The following SUSD6 variants were observed in gnomAD, a reference collection of about 807,000 sequenced individuals.
The protein encoded by SUSD6 is sushi domain-containing protein 6.
Under a neutral mutation model 28.4 loss-of-function variants are expected in SUSD6, and 16 were observed. The ratio of observed to expected loss-of-function variants is 0.56; its 90% CI spans 0.38 to 0.86. SUSD6 has a LOEUF of 0.86. Ranked by LOEUF, SUSD6 falls within the 40% of genes least tolerant of loss-of-function variation. The pLI is 0.00. For synonymous variants in SUSD6, 147 were observed against 159.6 expected, an observed-to-expected ratio of 0.92 and a Z score of 0.59; for missense variants, 341 against 384.2, an observed-to-expected ratio of 0.89 and a Z score of 0.94.
At chr14:69,659,603 T>C (rs1164573813) in intron 2 of SUSD6, among the ~76,000 whole-genome samples, 1 of 152,164 alleles carries the variant, frequency 6.6e-6, no homozygotes, top group Non-Finnish European at 1.5e-5. Context: ...CTGCAACCTC[T>C]GCCTCCCGGG....
rs548896204 is a variant in SUSD6, at chr14:69,693,484, C to T, written c.122-9911C>T. Among the ~76,000 whole-genome samples the T allele has an allele frequency of 3.9e-5, 6 of 152,240 alleles. 1 individual carries two copies. Among genetic ancestry groups the T allele is most frequent in the Admixed American group, 3.3e-4 (5 of 15,296 alleles). On this transcript the variant is annotated intron_variant, in intron 2 of 5. Transcript: ENST00000342745. ...TGGAACAAGGAGAGAGCAAACAACA[C>T]CCCCCAAAGTGCTTATCCTGCTCTG...
At chr14:69,700,255 CTT>C (rs1247046116) in intron 2 of SUSD6, among the ~76,000 whole-genome samples, 6 of 152,326 alleles carry the variant, frequency 3.9e-5, no homozygotes, top group African/African-American at 7.2e-5. Flanking sequence ...GCTGAGGACT[CTT>C]TTGCCGTCAC....
At chr14:69,668,393 G>C (rs1885777275) in intron 2 of SUSD6, among the ~76,000 whole-genome samples, 1 of 152,140 alleles carries the variant, frequency 6.6e-6, no homozygotes, top group African/African-American at 2.4e-5. Context: ...CCAGCACTTT[G>C]GGAGGCTGAG....
At chr14:69,634,689 C>G (rs1016896669) in intron 1 of SUSD6, among the ~76,000 whole-genome samples, 2 of 152,242 alleles carry the variant, frequency 1.3e-5, no homozygotes, top group East Asian at 3.8e-4. Flanking sequence ...AGGCAAAACT[C>G]TTTGTGATTG....
At chr14:69,684,909 G>A (rs1886050089) in intron 2 of SUSD6, among the ~76,000 whole-genome samples, 1 of 152,218 alleles carries the variant, frequency 6.6e-6, no homozygotes, top group Non-Finnish European at 1.5e-5. Context: ...TTTCTTGAAA[G>A]CCTCTAGGTC....
intron 1 of SUSD6, among the ~76,000 whole-genome samples, chr14:69,638,980 T>G (rs748525084): frequency 2.0e-5 from 3 of 152,154 alleles, no homozygotes; most frequent in Non-Finnish European, 2.9e-5. Context: ...GTGTGTGTGC[T>G]TACTCACAAC....
rs141072255 is a variant in SUSD6 at position 69,646,470 on chromosome 14, A to C, written c.-80-12043A>C. 1.1e-3 allele frequency among the ~76,000 whole-genome samples: 172 copies of C among 152,240 alleles called. 2 individuals carry two copies. Among genetic ancestry groups the C allele is most frequent in the African/African-American group, 4.0e-3 (165 of 41,544 alleles). ...TACATCACTCCAGGGCTACATCCCAAGCTCAGAGTGCTCTATAGGGTTTCA... is the reference window on the plus strand; with the variant it reads ...TACATCACTCCAGGGCTACATCCCACGCTCAGAGTGCTCTATAGGGTTTCA... On this transcript the variant is annotated intron_variant, in intron 1 of 5. Transcript: ENST00000342745.
At position 69,702,156 on chromosome 14, in the gene SUSD6, T is replaced by C. The variant is rs184480125; in HGVS notation, c.122-1239T>C. ...GAGAAAAAGAAAACGACCGTTCTTATTCTCATACAGATGTCCTTGTGATAT... is the reference window on the plus strand; with the variant it reads ...GAGAAAAAGAAAACGACCGTTCTTACTCTCATACAGATGTCCTTGTGATAT... On this transcript the variant is annotated intron_variant, in intron 2 of 5. Coordinates refer to ENST00000342745, the MANE Select transcript of SUSD6 (RefSeq NM_014734.4). Among the ~76,000 whole-genome samples the C allele has an allele frequency of 3.3e-5, 5 of 152,366 alleles. No homozygotes were observed. In the East Asian group the frequency reaches 9.6e-4, roughly 29 times the overall value.
chr14:69,679,825 A>G (rs557955497), intron 2 of SUSD6, among the ~76,000 whole-genome samples: 1 of 152,272 alleles, frequency 6.6e-6, no homozygotes, highest in Middle Eastern at 3.4e-3. Flanking sequence ...TTTCATAAAG[A>G]TGGGCTTTTA....
chr14:69,659,772 G>A (rs897456257), intron 2 of SUSD6, among the ~76,000 whole-genome samples: 2 of 152,156 alleles, frequency 1.3e-5, no homozygotes, highest in Non-Finnish European at 2.9e-5. Flanking sequence ...ACCCACCTTG[G>A]CCTCCCAAAA....
intron 1 of SUSD6, among the ~76,000 whole-genome samples, chr14:69,624,745 G>A (rs1036781982): frequency 8.5e-5 from 13 of 152,140 alleles, no homozygotes; most frequent in South Asian, 2.1e-4. Context: ...GTGAGCCACC[G>A]TGCCTGGCCG....
At chr14:69,661,507 A>G (rs1246011476) in intron 2 of SUSD6, among the ~76,000 whole-genome samples, 1 of 151,874 alleles carries the variant, frequency 6.6e-6, no homozygotes, top group Non-Finnish European at 1.5e-5. Flanking sequence ...CCCAACCTCC[A>G]AGTCTTTTCT....
At chr14:69,633,186 A>G (rs567541614) in intron 1 of SUSD6, among the ~76,000 whole-genome samples, 72 of 152,306 alleles carry the variant, frequency 4.7e-4, no homozygotes, top group African/African-American at 1.6e-3. Context: ...TTGACTTCCC[A>G]CTACTTACTG....
intron 1 of SUSD6, among the ~76,000 whole-genome samples, chr14:69,648,827 T>C (rs1023089191): frequency 6.6e-6 from 1 of 152,340 alleles, no homozygotes; most frequent in East Asian, 1.9e-4. Context: ...CAGACAGACA[T>C]TTTTTGTTAC....
At chr14:69,662,646 T>C (rs990704612) in intron 2 of SUSD6, among the ~76,000 whole-genome samples, 3 of 152,208 alleles carry the variant, frequency 2.0e-5, no homozygotes, top group South Asian at 2.1e-4. Context: ...GAATTAAAAA[T>C]AAAATCTATG....
chr14:69,639,645 G>T (rs1885320262), intron 1 of SUSD6, among the ~76,000 whole-genome samples: 1 of 152,184 alleles, frequency 6.6e-6, no homozygotes, highest in African/African-American at 2.4e-5. Context: ...AACTAAGGTG[G>T]ATCAACTGAC....
At chr14:69,664,182 G>A (rs1382284279) in intron 2 of SUSD6, among the ~76,000 whole-genome samples, 2 of 152,016 alleles carry the variant, frequency 1.3e-5, no homozygotes, top group African/African-American at 4.8e-5. Flanking sequence ...GGGTTTCACA[G>A]TGTTAGCCAG....
chr14:69,626,755 C>G (rs1273576620), intron 1 of SUSD6, among the ~76,000 whole-genome samples: 1 of 151,948 alleles, frequency 6.6e-6, no homozygotes, highest in Non-Finnish European at 1.5e-5. Flanking sequence ...TCATAGCTCA[C>G]TATAGCTTCG....
chr14:69,627,996 C>T (rs4902742), intron 1 of SUSD6, among the ~76,000 whole-genome samples: 124,869 of 151,376 alleles, frequency 0.82, 53,612 homozygotes, highest in Non-Finnish European at 0.94. Flanking sequence ...GGCAGTGGCG[C>T]GATCTTGACT....
Sources: gnomAD v4.1 joint callset for allele counts (sites outside exome capture counted in the v4.1 genomes callset) on GRCh38, gnomAD v4.1.1 for gene constraint, MANE v1.5 for transcripts, NCBI Gene and HGNC (gene_info 2026-07-23, HGNC 2026-07-21) for gene names.